RAB6A: variants seen among roughly 807,000 people sequenced by gnomAD.
RAB6A encodes RAB6A, member RAS oncogene family, also known as ras-related protein Rab-6A.
RAB6A carries 8 observed loss-of-function variants against 32.3 expected under a neutral mutation model. The ratio of observed to expected loss-of-function variants is 0.25; its 90% confidence interval spans 0.15 to 0.45. The LOEUF (loss-of-function observed/expected upper bound fraction) is 0.45, where lower values mean the gene tolerates loss of function less well. Among genes scored for constraint, RAB6A ranks in the 20% least tolerant of loss-of-function variants. The pLI, the probability that RAB6A is intolerant of heterozygous loss-of-function variation, is 1.00. For synonymous variants in RAB6A, 73 were observed against 82.1 expected, an observed-to-expected ratio of 0.89 and a Z score of 0.60; for missense variants, 104 against 249.4, an observed-to-expected ratio of 0.42 and a Z score of 3.93.
chr11:73,709,443 T>TTATTA (rs1945904841), intron 5 of RAB6A, among the ~76,000 whole-genome samples: 1 of 139,214 alleles, frequency 7.2e-6, no homozygotes, highest in Non-Finnish European at 1.5e-5. Flanking sequence ...AAGTATATTA[T>TTATTA]TATTATTATT....
At chr11:73,704,868 C>T (rs1945810573) in intron 6 of RAB6A, among the ~76,000 whole-genome samples, 3 of 150,884 alleles carry the variant, frequency 2.0e-5, no homozygotes, top group East Asian at 2.0e-4. Flanking sequence ...TGGTGGTGGG[C>T]GCCTGTAGTC....
intron 3 of RAB6A, among the ~76,000 whole-genome samples, chr11:73,719,846 C>T (rs1325601326): frequency 3.3e-5 from 5 of 151,986 alleles, no homozygotes; most frequent in Non-Finnish European, 5.9e-5. Flanking sequence ...CAACTCCTGA[C>T]CTCAGGTGAT....
chr11:73,716,144 A>G, intron 5 of RAB6A, 107 bp downstream of exon 5: 1 of 788,948 alleles, frequency 1.3e-6, no homozygotes, highest in Non-Finnish European at 2.0e-6. Flanking sequence ...GAGGACGTAA[A>G]CTTAAGGATT....
chr11:73,733,113 A>C (rs1946343706), intron 1 of RAB6A, among the ~76,000 whole-genome samples: 1 of 151,978 alleles, frequency 6.6e-6, no homozygotes, highest in Non-Finnish European at 1.5e-5. Flanking sequence ...ATCTGGCCTC[A>C]ATTATTTTCT....
chr11:73,678,894 T>C (rs1009079131), intron 7 of RAB6A, among the ~76,000 whole-genome samples: 8 of 151,704 alleles, frequency 5.3e-5, no homozygotes, highest in African/African-American at 1.9e-4. Flanking sequence ...CCCAGGTAAT[T>C]TTTTTATTTT....
At chr11:73,723,456 G>T (rs1039642433) in intron 2 of RAB6A, among the ~76,000 whole-genome samples, 1 of 152,056 alleles carries the variant, frequency 6.6e-6, no homozygotes, top group Non-Finnish European at 1.5e-5. Context: ...TTCCCAAGCA[G>T]CTGAGACTAC....
At chr11:73,685,588 G>GAAATTCTTTTTTTTTTTTTTTTTT in intron 6 of RAB6A, among the ~76,000 whole-genome samples, 1 of 89,572 alleles carries the variant, frequency 1.1e-5, no homozygotes, top group South Asian at 4.0e-4. Context: ...CGCCCGGACT[G>GAAATTCTTTTTTTTTTTTTTTTTT]AAAGTAGCGA....
chr11:73,727,008 AG>A (rs1483622332), intron 2 of RAB6A, among the ~76,000 whole-genome samples: 1 of 152,234 alleles, frequency 6.6e-6, no homozygotes, highest in Non-Finnish European at 1.5e-5. Flanking sequence ...TGAACATTAT[AG>A]TTGTCTAAAA....
chr11:73,679,605 A>C lies in RAB6A; in HGVS notation c.562+49T>G, dbSNP rs759283347. On this transcript the variant is annotated intron_variant, in intron 7 of 7. Coordinates refer to ENST00000336083, the MANE Select transcript of RAB6A (RefSeq NM_198896.2). ...TCTTTAGCCAAGCAAGCAGGGCTCTAAAGACTAGTGTTAATAATGAAAAAT... is the reference window on the plus strand; with the variant it reads ...TCTTTAGCCAAGCAAGCAGGGCTCTCAAGACTAGTGTTAATAATGAAAAAT... 4.2e-5 allele frequency: 68 copies of C among 1,604,808 alleles called. 1 individual carries two copies. The highest frequency in any genetic ancestry group is 5.6e-5 in the Non-Finnish European group (66 of 1,171,954).
At chr11:73,683,335 G>A (rs1483763990) in intron 6 of RAB6A, among the ~76,000 whole-genome samples, 3 of 142,954 alleles carry the variant, frequency 2.1e-5, no homozygotes, top group Non-Finnish European at 1.5e-5. Flanking sequence ...GGCTCCCTGA[G>A]GTCTCGACCT....
chr11:73,759,923 CCCCTTTCACCCCCAACCACCCCA>C, intron 1 of RAB6A: 3 of 794,110 alleles, frequency 3.8e-6, no homozygotes, highest in Admixed American at 2.9e-5. Flanking sequence ...GCCGACGCTA[CCCCTTTCACCCCCAACCACCCCA>C]TGCTCAAGTC....
At chr11:73,735,968 C>T (rs1278605574) in intron 1 of RAB6A, among the ~76,000 whole-genome samples, 1 of 140,750 alleles carries the variant, frequency 7.1e-6, no homozygotes, top group Non-Finnish European at 1.5e-5. Flanking sequence ...AGATAAATCA[C>T]ATACCATACA....
chr11:73,689,813 C>T (rs1032115946), intron 6 of RAB6A, among the ~76,000 whole-genome samples: 5 of 150,160 alleles, frequency 3.3e-5, no homozygotes, highest in Non-Finnish European at 7.4e-5. Context: ...CTCAGAATCT[C>T]GACTGTGCCT....
intron 5 of RAB6A, among the ~76,000 whole-genome samples, chr11:73,713,386 C>A (rs531843658): frequency 2.6e-5 from 4 of 152,178 alleles, no homozygotes; most frequent in Admixed American, 1.3e-4. Flanking sequence ...CTGGCTAACA[C>A]GGTGAAACCC....
intron 6 of RAB6A, among the ~76,000 whole-genome samples, chr11:73,690,927 T>C (rs927806530): frequency 2.0e-5 from 3 of 148,632 alleles, no homozygotes; most frequent in Non-Finnish European, 4.4e-5. Flanking sequence ...AACAGCCGCA[T>C]CTCAGTAACA....
intron 1 of RAB6A, 106 bp downstream of exon 1, chr11:73,760,460 G>A: frequency 2.1e-6 from 3 of 1,414,200 alleles, no homozygotes; most frequent in Non-Finnish European, 1.9e-6. Context: ...GGCAACGAGC[G>A]CGGACGCGAG....
chr11:73,737,648 A>G (rs1785586854), intron 1 of RAB6A, among the ~76,000 whole-genome samples: 1 of 152,198 alleles, frequency 6.6e-6, no homozygotes, highest in Non-Finnish European at 1.5e-5. Flanking sequence ...TATGCTTCAA[A>G]ACAAATGAAC....
chr11:73,687,966 T>C (rs1448460932), intron 6 of RAB6A, among the ~76,000 whole-genome samples: 1 of 152,216 alleles, frequency 6.6e-6, no homozygotes, highest in Non-Finnish European at 1.5e-5. Context: ...TTGTCAGTAA[T>C]ACTACAGAAG....
At position 73,740,837 on chromosome 11, in the gene RAB6A, G is replaced by A. The variant is rs562846069; in HGVS notation, c.71-10014C>T. ...TGGGAGGCAGAGGTTGCAGTGAGCC[G>A]AGATCACGCCAGTGCACTCCAGCCT... is the stretch of plus-strand genomic sequence containing the variant. On this transcript the variant is annotated intron_variant, in intron 1 of 7. Transcript: ENST00000336083. 7.9e-5 allele frequency among the ~76,000 whole-genome samples: 12 copies of A among 151,150 alleles called. No individual in the cohort carries two copies. The East Asian group carries it at 1.2e-3, about 15-fold the overall frequency.
Sources: allele counts gnomAD v4.1 joint callset (sites outside exome capture counted in the v4.1 genomes callset), GRCh38; gene constraint gnomAD v4.1.1; transcripts MANE v1.5; gene names NCBI Gene and HGNC (gene_info 2026-07-23, HGNC 2026-07-21).